GRIN2A: variants seen among roughly 807,000 people sequenced by gnomAD.
GRIN2A encodes the protein glutamate receptor ionotropic, NMDA 2A.
GRIN2A carries 22 observed loss-of-function variants against 113.4 expected under a neutral mutation model. The observed-to-expected ratio is 0.19, with a 90% CI of 0.14 to 0.28. The LOEUF (loss-of-function observed/expected upper bound fraction) is 0.28, where lower values mean the gene tolerates loss of function less well. GRIN2A is among the 10% of genes least tolerant of loss of function. GRIN2A has a pLI of 1.00. For missense variants in GRIN2A, 1,502 were observed against 1,887.0 expected, an observed-to-expected ratio of 0.80 and a Z score of 3.78; for synonymous variants, 827 against 738.4, an observed-to-expected ratio of 1.12 and a Z score of -1.94.
chr16:9,973,376 A>G (rs2045711717), intron 2 of GRIN2A, among the ~76,000 whole-genome samples: 1 of 152,202 alleles, frequency 6.6e-6, no homozygotes, highest in Non-Finnish European at 1.5e-5. Flanking sequence ...AAAAACAAGG[A>G]CAACTTGGAG....
At chr16:9,813,519 G>A (rs9302390) in intron 10 of GRIN2A, among the ~76,000 whole-genome samples, 48,914 of 106,724 alleles carry the variant, frequency 0.46, 9,503 homozygotes, top group African/African-American at 0.63. Context: ...TGTTTTTTTT[G>A]CCTTTTTTTT....
At chr16:10,132,340 C>CAAAACAAAAAAAAAAAAAAAA (rs2049082095) in intron 2 of GRIN2A, among the ~76,000 whole-genome samples, 1 of 61,630 alleles carries the variant, frequency 1.6e-5, no homozygotes, top group Admixed American at 2.3e-4. Flanking sequence ...GACACCGTCT[C>CAAAACAAAAAAAAAAAAAAAA]AAAAAAAAAA....
intron 2 of GRIN2A, among the ~76,000 whole-genome samples, chr16:10,024,426 G>C (rs138833942): frequency 9.9e-5 from 15 of 152,278 alleles, no homozygotes; most frequent in African/African-American, 3.6e-4. Flanking sequence ...CACCATGTTA[G>C]CCAAGCTGGT....
chr16:10,087,934 C>T (rs1285168604), intron 2 of GRIN2A, among the ~76,000 whole-genome samples: 1 of 147,366 alleles, frequency 6.8e-6, no homozygotes, highest in African/African-American at 2.5e-5. Flanking sequence ...AAGCAATCTG[C>T]CCACCTCGGC....
At chr16:10,014,066 G>T (rs1166456482) in intron 2 of GRIN2A, among the ~76,000 whole-genome samples, 2 of 152,212 alleles carry the variant, frequency 1.3e-5, no homozygotes, top group African/African-American at 4.8e-5. Context: ...TCCCCGTCTA[G>T]ATTGATAAGC....
rs139853056 is a variant in GRIN2A at position 9,808,133 on chromosome 16, G to A, written c.2169-9669C>T. Among the ~76,000 whole-genome samples, 978 of 152,250 alleles carry A rather than the reference G, an allele frequency of 6.4e-3. 7 individuals are homozygous for A. Among genetic ancestry groups the A allele is most frequent in the Non-Finnish European group, 0.011 (732 of 68,012 alleles). On this transcript the variant is annotated intron_variant, in intron 10 of 12. Transcript: ENST00000330684. Reference sequence around the variant, plus strand: ...AGCGTTTTTATAATATTAGAAAGATGGCTCAAAAAGGTTTTCTTTGTTCAG... The same window carrying A: ...AGCGTTTTTATAATATTAGAAAGATAGCTCAAAAAGGTTTTCTTTGTTCAG...
At chr16:10,081,398 T>C (rs1008623267) in intron 2 of GRIN2A, among the ~76,000 whole-genome samples, 1 of 152,214 alleles carries the variant, frequency 6.6e-6, no homozygotes, top group African/African-American at 2.4e-5. Flanking sequence ...TTGTTCCAAG[T>C]GAAGGCAGCT....
intron 2 of GRIN2A, among the ~76,000 whole-genome samples, chr16:9,940,017 TGAGAGAGAGAGAGAGAGAGAGAGAAA>T (rs1001411330): frequency 7.4e-6 from 1 of 134,364 alleles, no homozygotes; most frequent in Non-Finnish European, 1.6e-5. Context: ...GGGATTCCAC[TGAGAGAGAGAGAGAGAGAGAGAGAAA>T]GAGAGAGAGA....
intron 2 of GRIN2A, among the ~76,000 whole-genome samples, chr16:10,116,859 G>A (rs1162842871): frequency 1.3e-5 from 2 of 152,090 alleles, no homozygotes; most frequent in African/African-American, 4.8e-5. Context: ...TGCCACTTCA[G>A]GTCTGCCATA....
chr16:10,021,923 A>G (rs1567239410), intron 2 of GRIN2A, among the ~76,000 whole-genome samples: 1 of 152,082 alleles, frequency 6.6e-6, no homozygotes, highest in African/African-American at 2.4e-5. Flanking sequence ...ATGCTGTGTT[A>G]CCTTGGGCAA....
chr16:10,145,122 T>A (rs1009809125), intron 2 of GRIN2A, among the ~76,000 whole-genome samples: 6 of 152,018 alleles, frequency 3.9e-5, no homozygotes, highest in African/African-American at 1.4e-4. Context: ...ATACAGGATA[T>A]CTAAAATAGA....
intron 3 of GRIN2A, among the ~76,000 whole-genome samples, chr16:9,906,322 C>A (rs1018143098): frequency 6.6e-6 from 1 of 152,206 alleles, no homozygotes; most frequent in Non-Finnish European, 1.5e-5. Context: ...CAAACCCAAA[C>A]CACTCATGGT....
intron 8 of GRIN2A, among the ~76,000 whole-genome samples, chr16:9,831,496 GT>G (rs55979702): frequency 0.35 from 48,524 of 136,962 alleles, 8,599 homozygotes; most frequent in African/African-American, 0.44. Context: ...CCCTGCCATT[GT>G]TTTTTTTTTT....
intron 2 of GRIN2A, among the ~76,000 whole-genome samples, chr16:9,967,476 C>T (rs536604320): frequency 7.9e-5 from 12 of 152,236 alleles, no homozygotes; most frequent in African/African-American, 2.2e-4. Flanking sequence ...GAGGCCAAGG[C>T]GGGTGGATCA....
rs71157795 is a variant in GRIN2A at position 9,968,262 on chromosome 16, T to TTGTATGTA, written c.415-29719_415-29712dup. 4.6e-3 allele frequency among the ~76,000 whole-genome samples: 685 copies of TTGTATGTA among 150,252 alleles called. 2 individuals carry two copies. Among genetic ancestry groups the TTGTATGTA allele is most frequent in the East Asian group, 0.01 (51 of 5,010 alleles). On this transcript the variant is annotated intron_variant, in intron 2 of 12. Transcript: ENST00000330684. ...CTATCATTTCTTTGCCTCTATTGAC[T>TTGTATGTA]TGTATGTATGTATGTATGTATGTAT...
intron 2 of GRIN2A, among the ~76,000 whole-genome samples, chr16:10,149,074 G>C (rs751223515): frequency 9.8e-5 from 15 of 152,338 alleles, no homozygotes; most frequent in African/African-American, 1.4e-4. Flanking sequence ...AGGCTGGAAA[G>C]GGTATTGGGG....
chr16:9,764,969 G>T (rs2141138719), intron 12 of GRIN2A, 21 bp from the exon 13 acceptor site: 1 of 1,613,690 alleles, frequency 6.2e-7, no homozygotes, highest in South Asian at 1.1e-5. Flanking sequence ...GCAACATAAA[G>T]CACTGTCAGC....
chr16:9,824,807 T>C (rs2042356038), intron 9 of GRIN2A, among the ~76,000 whole-genome samples: 1 of 152,302 alleles, frequency 6.6e-6, no homozygotes, highest in Non-Finnish European at 1.5e-5. Flanking sequence ...TAAAAAAATG[T>C]CTGCAATCCT....
At chr16:10,041,420 G>A (rs2047164916) in intron 2 of GRIN2A, among the ~76,000 whole-genome samples, 1 of 152,166 alleles carries the variant, frequency 6.6e-6, no homozygotes, top group Non-Finnish European at 1.5e-5. Flanking sequence ...TCATTCTGCT[G>A]TACCTACTCC....
Sources: gnomAD v4.1 joint callset for allele counts (sites outside exome capture counted in the v4.1 genomes callset) on GRCh38, gnomAD v4.1.1 for gene constraint, MANE v1.5 for transcripts, NCBI Gene and HGNC (gene_info 2026-07-23, HGNC 2026-07-21) for gene names.